Variants in DNAH9 observed in about 807,000 individuals in gnomAD.
DNAH9 encodes dynein axonemal heavy chain 9.
Under a neutral mutation model 471.6 loss-of-function variants are expected in DNAH9, and 345 were observed. That is an observed-to-expected ratio of 0.73 (90% CI 0.67 to 0.80). DNAH9 has a LOEUF of 0.80. Among genes scored for constraint, DNAH9 ranks in the 30% least tolerant of loss-of-function variants. The pLI, the probability that DNAH9 is intolerant of heterozygous loss-of-function variation, is 0.00. For synonymous variants in DNAH9, 2,093 were observed against 2,123.6 expected (o/e 0.99, Z 0.40); for missense variants, 5,407 against 5,609.2 (o/e 0.96, Z 1.15).
chr17:11,664,816 TC>T lies in DNAH9; in HGVS notation c.2596-16del, dbSNP rs752037690. On this transcript the variant is annotated splice_polypyrimidine_tract_variant and intron_variant, in intron 14 of 68. Transcript: ENST00000262442. Reference sequence around the variant, plus strand: ...GCTATTAAACGAGGTTTATATCCTTTCTTCTTCCTTTTATAGGAAAACCTGG... The same window carrying T: ...GCTATTAAACGAGGTTTATATCCTTTTTCTTCCTTTTATAGGAAAACCTGG... The T allele has an allele frequency of 1.2e-6, 2 of 1,608,354 alleles. No individual in the cohort carries two copies. The highest frequency in any genetic ancestry group is 3.3e-5 in the Admixed American group (2 of 59,826).
Position 11,810,233 on chromosome 17 carries a change from A to C in DNAH9, c.8584-13A>C, listed in dbSNP as rs761942286. ...TTCTTTTCAGAGATTTCTGATATTG[A>C]CCATTCCTACAGATGGACCTGGCCA... On this transcript the variant is annotated splice_polypyrimidine_tract_variant and intron_variant, in intron 44 of 68. Coordinates refer to ENST00000262442, the MANE Select transcript of DNAH9 (RefSeq NM_001372.4). 4.4e-6 allele frequency: 7 copies of C among 1,604,074 alleles called. No homozygotes were observed. Among genetic ancestry groups the C allele is most frequent in the Non-Finnish European group, 1.7e-6 (2 of 1,176,568 alleles).
At chr17:11,840,568 G>T (rs1340243294) in intron 49 of DNAH9, among the ~76,000 whole-genome samples, 3 of 152,134 alleles carry the variant, frequency 2.0e-5, no homozygotes, top group African/African-American at 7.2e-5. Flanking sequence ...CTCCCCCAAA[G>T]AGTTCCACAT....
chr17:11,744,842 G>A lies in DNAH9; in HGVS notation c.6157G>A (p.Val2053Met). Residue 2053 changes from valine (V) to methionine (M), a missense_variant, in exon 31 of 69, where the codon GTG (valine) becomes ATG (methionine). Around this residue, in one of 3 missense-constraint regions of DNAH9, gnomAD observed 4,636 missense variants for 4,900.3 expected, o/e 0.95. Coordinates refer to ENST00000262442, the MANE Select transcript of DNAH9 (RefSeq NM_001372.4). ...GLRAIKSVLV[V>M]AGSLKRGDPD... is the part of the protein sequence containing the mutation. ...ACGGGCCATCAAGTCCGTGCTGGTG[G>A]TGGCAGGATCCCTGAAGAGAGGAGA... is the stretch of plus-strand genomic sequence containing the variant. The A allele has an allele frequency of 6.2e-7, 1 of 1,614,180 alleles. No individual in the cohort carries two copies. Among genetic ancestry groups the A allele is most frequent in the Non-Finnish European group, 8.5e-7 (1 of 1,179,994 alleles).
At chr17:11,715,454 A>T (rs550384139) in intron 26 of DNAH9, among the ~76,000 whole-genome samples, 235 of 152,316 alleles carry the variant, frequency 1.5e-3, no homozygotes, top group Non-Finnish European at 2.6e-3. Flanking sequence ...TAGAATAGTA[A>T]ACTGTGCCTC....
chr17:11,860,744 A>G (rs567981564), intron 50 of DNAH9, among the ~76,000 whole-genome samples: 10 of 152,160 alleles, frequency 6.6e-5, no homozygotes, highest in African/African-American at 2.2e-4. Context: ...TATTTTCAGT[A>G]GAGATGAGGT....
rs1433402751 is a variant in DNAH9 at position 11,822,441 on chromosome 17, ACT to A, written c.8859_8860del (p.Cys2954PhefsTer50). The part of the protein sequence containing the change: ...IDRIRRQLKV[T>X]LCFSPVGNKL... ...CCCCACCCTTCTGACTTCTCAGGTG[ACT>A]CTCTGTTTCTCCCCTGTGGGAAACA... On this transcript the variant is annotated frameshift_variant, in exon 47 of 69. Coordinates refer to ENST00000262442, the MANE Select transcript of DNAH9 (RefSeq NM_001372.4). LOFTEE classifies it high-confidence loss of function. 2 of 1,613,882 alleles carry A rather than the reference ACT, an allele frequency of 1.2e-6. No homozygotes were observed. The highest frequency in any genetic ancestry group is 1.7e-5 in the Admixed American group (1 of 59,978).
chr17:11,872,314 C>T (rs938756423), intron 52 of DNAH9, among the ~76,000 whole-genome samples: 3 of 151,830 alleles, frequency 2.0e-5, no homozygotes, highest in African/African-American at 7.3e-5. Flanking sequence ...TCAGCTTGTC[C>T]TCCTCGTGTG....
chr17:11,941,743 T>C (rs373651170), intron 66 of DNAH9, among the ~76,000 whole-genome samples: 15 of 149,926 alleles, frequency 1.0e-4, no homozygotes, highest in African/African-American at 3.5e-4. Context: ...TAGATAGTGA[T>C]AGATTAGATA....
intron 49 of DNAH9, among the ~76,000 whole-genome samples, chr17:11,852,326 G>A (rs569025276): frequency 5.9e-5 from 9 of 152,312 alleles, no homozygotes; most frequent in South Asian, 2.1e-4. Context: ...GCCCTAATAG[G>A]AAGTGGTAGG....
intron 35 of DNAH9, among the ~76,000 whole-genome samples, chr17:11,762,770 G>GTTGTTGTTTTTTTTTTTTTTTTTTTTTTT (rs1967746481): frequency 4.4e-5 from 4 of 90,742 alleles, no homozygotes; most frequent in Non-Finnish European, 8.7e-5. Context: ...TTTTTTTTTT[G>GTTGTTGTTTTTTTTTTTTTTTTTTTTTTT]TTTTTTTTTT....
intron 10 of DNAH9, among the ~76,000 whole-genome samples, chr17:11,642,903 G>GA (rs564751929): frequency 1.6e-4 from 24 of 148,764 alleles, no homozygotes; most frequent in South Asian, 4.6e-4. Flanking sequence ...TAATCAGGGG[G>GA]AAAAAAAAAC....
intron 26 of DNAH9, among the ~76,000 whole-genome samples, chr17:11,708,186 C>T (rs113675844): frequency 2.6e-5 from 4 of 152,254 alleles, no homozygotes; most frequent in African/African-American, 4.8e-5. Context: ...CTTTGTCTAT[C>T]GTGTTTGCTG....
At chr17:11,770,441 T>A (rs977606249) in intron 38 of DNAH9, among the ~76,000 whole-genome samples, 1 of 144,176 alleles carries the variant, frequency 6.9e-6, no homozygotes, top group Non-Finnish European at 1.5e-5. Context: ...CTCAAAATGC[T>A]GATGGGGGGG....
At chr17:11,738,202 C>T (rs2075378604) in intron 28 of DNAH9, among the ~76,000 whole-genome samples, 1 of 152,152 alleles carries the variant, frequency 6.6e-6, no homozygotes, top group Non-Finnish European at 1.5e-5. Flanking sequence ...CATGGTGAAG[C>T]TCAAATGAGT....
At chr17:11,823,208 C>CT (rs1220097617) in intron 48 of DNAH9, among the ~76,000 whole-genome samples, 174 bp downstream of exon 48, 1 of 152,130 alleles carries the variant, frequency 6.6e-6, no homozygotes, top group Non-Finnish European at 1.5e-5. Flanking sequence ...ATCCCTTTGG[C>CT]TTTTTTTCTC....
At chr17:11,614,785 G>A (rs893903554) in intron 4 of DNAH9, among the ~76,000 whole-genome samples, 4 of 151,830 alleles carry the variant, frequency 2.6e-5, no homozygotes, top group East Asian at 1.9e-4. Flanking sequence ...TGGAAGGCAA[G>A]CCAGCCAAAC....
At chr17:11,925,307 C>A in intron 62 of DNAH9, 1 of 418,790 alleles carries the variant, frequency 2.4e-6, no homozygotes, top group Non-Finnish European at 4.8e-6. Context: ...CCATTCTTCC[C>A]GGCTTTCACT....
chr17:11,764,724 C>T (rs142469498), intron 36 of DNAH9, among the ~76,000 whole-genome samples: 159 of 151,240 alleles, frequency 1.1e-3, no homozygotes, highest in Non-Finnish European at 1.4e-3. Context: ...AAAAAAATTG[C>T]GAAGAGGGAA....
chr17:11,647,088 T>C lies in DNAH9; in HGVS notation c.1987T>C (p.Tyr663His). 1 of 1,613,964 alleles carries C rather than the reference T, an allele frequency of 6.2e-7. No homozygotes were observed. Among genetic ancestry groups the C allele is most frequent in the Non-Finnish European group, 8.5e-7 (1 of 1,179,930 alleles). The change falls in exon 12 of 69, where the codon TAT (tyrosine) becomes CAT (histidine). Residue 663 changes from tyrosine to histidine, a missense_variant. Coordinates refer to ENST00000262442, the MANE Select transcript of DNAH9 (RefSeq NM_001372.4). The part of the protein sequence containing the change: ...SLLEKYETRL[Y>H]EDWCRTVSEK... ...CCCTTGCAGGTATGAGACAAGACTT[T>C]ATGAGGATTGGTGCCGGACAGTATC...
Sources: gnomAD v4.1 joint callset for allele counts (sites outside exome capture counted in the v4.1 genomes callset) on GRCh38, gnomAD v4.1.1 for gene constraint, gnomAD v4.1.1 regional missense constraint, MANE v1.5 for transcripts, NCBI Gene and HGNC (gene_info 2026-07-23, HGNC 2026-07-21) for gene names.